The following ASGR2 variants were observed in gnomAD, a reference collection of about 807,000 sequenced individuals.
The protein encoded by ASGR2 is asialoglycoprotein receptor 2, also known as C-type lectin domain family 4 member H2.
ASGR2 carries 34 observed loss-of-function variants against 32.3 expected under a neutral mutation model. The ratio of observed to expected loss-of-function variants is 1.05; its 90% CI spans 0.80 to 1.40. The LOEUF is 1.40. Ranked by LOEUF, ASGR2 falls within the 40% of genes most tolerant of loss-of-function variation. ASGR2 has a pLI of 0.00. For synonymous variants in ASGR2, 143 were observed against 150.0 expected (o/e 0.95, Z 0.34); for missense variants, 385 against 386.4 (o/e 1.00, Z 0.03).
In ASGR2 at chr17:7,108,850, A is replaced by C; in HGVS notation, c.163T>G (p.Ser55Ala). The change falls in exon 3 of 9, where the codon TCC becomes GCC. Residue 55 changes from serine to alanine, a missense_variant. Transcript: ENST00000691900. The surrounding 1 kb of genome is among the most constrained non-coding windows in gnomAD (Gnocchi z 4.9). ...PAQPLAQRLC[S>A]MVCFSLLALS... ...GCAAGCAGACTGAAGCAGACCATGG[A>C]GCAGAGACGCTGTGCCAGGGGCTGG... The C allele has an allele frequency of 6.2e-7, 1 of 1,609,974 alleles. No homozygotes were observed. The highest frequency in any genetic ancestry group is 1.1e-5 in the South Asian group (1 of 90,398).
intron 7 of ASGR2, among the ~76,000 whole-genome samples, chr17:7,105,820 G>A (rs1267960989): frequency 2.8e-5 from 4 of 145,040 alleles, no homozygotes; most frequent in South Asian, 2.1e-4. Flanking sequence ...TCAGAGTCTC[G>A]CACTGTCACC....
At chr17:7,112,862 C>T (rs1914896998) in intron 2 of ASGR2, among the ~76,000 whole-genome samples, 1 of 152,162 alleles carries the variant, frequency 6.6e-6, no homozygotes, top group South Asian at 2.1e-4. Context: ...CCCGGCTCCA[C>T]CACCAGCACC....
Position 7,101,610 on chromosome 17 carries a change from C to A in ASGR2, c.886G>T (p.Glu296Ter). 6.2e-7 allele frequency: 1 copy of A among 1,614,214 alleles called. No homozygotes were observed. The highest frequency in any genetic ancestry group is 8.5e-7 in the Non-Finnish European group (1 of 1,180,048). ...TCGCCGGTGGCATTCCGCCTTTTCTCACACACCCAGCGGTACACCTGCAGG... is the reference window on the plus strand; with the variant it reads ...TCGCCGGTGGCATTCCGCCTTTTCTAACACACCCAGCGGTACACCTGCAGG... ...FCLQVYRWVC[E>*]KRRNATGEVA The change falls in exon 9 of 9, where the codon GAG becomes TAG. Residue 296 changes from glutamate to a stop codon, truncating the protein, a stop_gained. Coordinates refer to ENST00000691900, the MANE Select transcript of ASGR2 (RefSeq NM_001201352.2). LOFTEE classifies it low-confidence loss of function (END_TRUNC).
chr17:7,107,129 G>C lies in ASGR2; in HGVS notation c.519C>G (p.Pro173=), dbSNP rs368404063. 17 of 1,614,076 alleles carry C rather than the reference G, an allele frequency of 1.1e-5. No individual in the cohort carries two copies. Among genetic ancestry groups the C allele is most frequent in the African/African-American group, 8.0e-5 (6 of 74,926 alleles). The change falls in exon 7 of 9, where the codon CCC becomes CCG. Residue 173 remains proline, a synonymous_variant. Transcript: ENST00000691900. This position sits in a 1 kb window ranked among gnomAD's most constrained non-coding sequence, Gnocchi z 5.0. ...HSNGSQRTCC[P]VNWVEHQGSC... ...TGCCTTGGTGCTCCACCCAGTTGAC[G>C]GGGCAGCAGGTCCTTTGGGAGCCTG...
intron 2 of ASGR2, among the ~76,000 whole-genome samples, chr17:7,112,611 C>G (rs1456051803): frequency 6.6e-6 from 1 of 152,202 alleles, no homozygotes; most frequent in South Asian, 2.1e-4. Flanking sequence ...GGGCCTCTGC[C>G]TGTGGGGACA....
At chr17:7,106,520 T>A (rs1303338886) in intron 7 of ASGR2, among the ~76,000 whole-genome samples, 2 of 152,214 alleles carry the variant, frequency 1.3e-5, no homozygotes, top group African/African-American at 4.8e-5. Context: ...CACAGTATGC[T>A]GTAAAGTACT....
Position 7,107,994 on chromosome 17 carries a change from G to A in ASGR2, c.338-87C>T. ...GACCGGGGGCCAGCGCCTCGTCCTG[G>A]GCGATGCAGGCGTCCACCTCCTGGC... On this transcript the variant is annotated intron_variant, in intron 4 of 8. Coordinates refer to ENST00000691900, the MANE Select transcript of ASGR2 (RefSeq NM_001201352.2). This position sits in a 1 kb window ranked among gnomAD's most constrained non-coding sequence, Gnocchi z 5.0. 2 of 1,469,212 alleles carry A rather than the reference G, an allele frequency of 1.4e-6. No homozygotes were observed. The highest frequency in any genetic ancestry group is 1.4e-5 in the African/African-American group (1 of 71,682). 91.0% of individuals were successfully genotyped at this position (1,469,212 alleles called of 1,614,324 possible). A position where few individuals can be genotyped will look rare whatever the true frequency, so the allele number is the denominator to read the frequency against.
rs576161640 is a variant in ASGR2 at position 7,107,802 on chromosome 17, C to A, written c.409+34G>T. The stretch of plus-strand genomic sequence containing the variant: ...CACACACCGCACACGTACACATGCA[C>A]GCACATGCGCACACACCCCGGAGGC... On this transcript the variant is annotated intron_variant, in intron 5 of 8. Coordinates refer to ENST00000691900, the MANE Select transcript of ASGR2 (RefSeq NM_001201352.2). The surrounding 1 kb of genome is among the most constrained non-coding windows in gnomAD (Gnocchi z 5.0). 5 of 1,608,748 alleles carry A rather than the reference C, an allele frequency of 3.1e-6. No homozygotes were observed. Among genetic ancestry groups the A allele is most frequent in the Non-Finnish European group, 4.2e-6 (5 of 1,176,838 alleles).
Position 7,107,713 on chromosome 17 carries a change from T to C in ASGR2, c.409+123A>G. On this transcript the variant is annotated intron_variant, in intron 5 of 8. Transcript: ENST00000691900. This position sits in a 1 kb window ranked among gnomAD's most constrained non-coding sequence, Gnocchi z 5.0. Reference sequence around the variant, plus strand: ...CGGAGAGAGACACAGATACACATGCTTGCAGGCACACACACGCACGCACGC... The same window carrying C: ...CGGAGAGAGACACAGATACACATGCCTGCAGGCACACACACGCACGCACGC... The C allele has an allele frequency of 8.4e-7, 1 of 1,187,960 alleles. No homozygotes were observed. The highest frequency in any genetic ancestry group is 2.7e-5 in the East Asian group (1 of 36,916). The allele number at this position is 1,187,960 out of a possible 1,614,324, so 73.6% of individuals were successfully genotyped here.
Position 7,108,869 on chromosome 17 carries a change from G to C in ASGR2, c.144C>G (p.Pro48=). 6.3e-7 allele frequency: 1 copy of C among 1,591,094 alleles called. No individual in the cohort carries two copies. The highest frequency in any genetic ancestry group is 8.6e-7 in the Non-Finnish European group (1 of 1,169,308). The part of the protein sequence containing the change: ...PFLKGPPPAQ[P]LAQRLCSMVC... ...CCATGGAGCAGAGACGCTGTGCCAG[G>C]GGCTGGGCAGGAGGTGGCCCTGTGG... Residue 48 remains proline (P), a synonymous_variant, in exon 3 of 9, where the codon CCC becomes CCG. Transcript: ENST00000691900. The surrounding 1 kb of genome is among the most constrained non-coding windows in gnomAD (Gnocchi z 4.9).
Position 7,108,597 on chromosome 17 carries a change from C to T in ASGR2, c.242-40G>A, listed in dbSNP as rs984821736. ...GTGGGGGCAGGATGAGGCAGAGGGG[C>T]CGTGTCCCCATCACTGTCCATGTGA... On this transcript the variant is annotated intron_variant, in intron 3 of 8. Transcript: ENST00000691900. The surrounding 1 kb of genome is among the most constrained non-coding windows in gnomAD (Gnocchi z 4.9). The T allele has an allele frequency of 1.9e-6, 3 of 1,603,710 alleles. No individual in the cohort carries two copies. The highest frequency in any genetic ancestry group is 2.7e-5 in the African/African-American group (2 of 74,738).
intron 8 of ASGR2, 110 bp from the exon 9 acceptor site, chr17:7,101,850 G>A: frequency 7.1e-7 from 1 of 1,405,774 alleles, no homozygotes; most frequent in Admixed American, 2.1e-5. Flanking sequence ...TGGAGCTGGG[G>A]TGTGCCCTGC....
chr17:7,114,832 A>C (rs982921819), upstream of ASGR2: 12 of 987,440 alleles, frequency 1.2e-5, no homozygotes, highest in Non-Finnish European at 1.3e-5. This position sits in a 1 kb window ranked among gnomAD's most constrained non-coding sequence, Gnocchi z 4.5. Flanking sequence ...TAAACAGAAG[A>C]GGAAACAGAG....
At position 7,108,872 on chromosome 17, in the gene ASGR2, C is replaced by G. The variant is rs1003028810; in HGVS notation, c.141G>C (p.Gln47His). ...NPFLKGPPPA[Q>H]PLAQRLCSMV... ...TGGAGCAGAGACGCTGTGCCAGGGG[C>G]TGGGCAGGAGGTGGCCCTGTGGGAG... Residue 47 changes from glutamine to histidine, a missense_variant, in exon 3 of 9, where the codon CAG becomes CAC. Physicochemically the swap from Gln to His is conservative, Grantham distance 24. Transcript: ENST00000691900. This position sits in a 1 kb window ranked among gnomAD's most constrained non-coding sequence, Gnocchi z 4.9. 3.1e-6 allele frequency: 5 copies of G among 1,589,806 alleles called. No homozygotes were observed. The highest frequency in any genetic ancestry group is 4.3e-6 in the Non-Finnish European group (5 of 1,168,750).
chr17:7,110,212 C>A (rs1914446816), intron 2 of ASGR2, among the ~76,000 whole-genome samples: 1 of 152,158 alleles, frequency 6.6e-6, no homozygotes, highest in Non-Finnish European at 1.5e-5. Context: ...ACTGCAGCCA[C>A]ACTCAGGACC....
intron 7 of ASGR2, among the ~76,000 whole-genome samples, chr17:7,104,477 C>A (rs1219354215): frequency 6.6e-6 from 1 of 150,384 alleles, no homozygotes; most frequent in Admixed American, 6.7e-5. Context: ...CATGGTGAAA[C>A]CTTGTCTCTA....
At position 7,113,062 on chromosome 17, in the gene ASGR2, G is replaced by A. The variant is rs1351319130; in HGVS notation, c.124+1055C>T. 2.6e-5 allele frequency among the ~76,000 whole-genome samples: 4 copies of A among 152,080 alleles called. No individual in the cohort carries two copies. Among genetic ancestry groups the A allele is most frequent in the Admixed American group, 2.6e-4 (4 of 15,266 alleles). ...AAGTCCTAACTACTTGGGAGGCTGA[G>A]GTGGGAGGATGGCTTGAGCCCAGGA... On this transcript the variant is annotated intron_variant, in intron 2 of 8. Transcript: ENST00000691900. The surrounding 1 kb of genome is among the most constrained non-coding windows in gnomAD (Gnocchi z 5.1).
At chr17:7,114,956 T>A (rs1278830617), upstream of ASGR2, 3 of 985,404 alleles carry the variant, frequency 3.0e-6, no homozygotes, top group East Asian at 3.4e-4. This position sits in a 1 kb window ranked among gnomAD's most constrained non-coding sequence, Gnocchi z 4.5. Context: ...CCCCACTCAT[T>A]GCACCATTTG....
Position 7,108,612 on chromosome 17 carries a change from T to C in ASGR2, c.242-55A>G. ...GGCAGAGGGGCCGTGTCCCCATCAC[T>C]GTCCATGTGACTGGCCCCTCAATGT... On this transcript the variant is annotated intron_variant, in intron 3 of 8. Coordinates refer to ENST00000691900, the MANE Select transcript of ASGR2 (RefSeq NM_001201352.2). This position sits in a 1 kb window ranked among gnomAD's most constrained non-coding sequence, Gnocchi z 4.9. The C allele has an allele frequency of 3.7e-6, 6 of 1,601,552 alleles. No homozygotes were observed. The highest frequency in any genetic ancestry group is 5.1e-6 in the Non-Finnish European group (6 of 1,172,120).
Sources: allele counts gnomAD v4.1 joint callset (sites outside exome capture counted in the v4.1 genomes callset), GRCh38; gene constraint gnomAD v4.1.1; non-coding constraint Gnocchi (gnomAD v3.1); transcripts MANE v1.5; gene names NCBI Gene and HGNC (gene_info 2026-07-23, HGNC 2026-07-21).